The following LEPR variants were observed in gnomAD, a reference collection of about 807,000 sequenced individuals.
The protein encoded by LEPR is leptin receptor.
A neutral mutation model predicts 114.7 loss-of-function variants in LEPR; 56 were observed. That is an observed-to-expected ratio of 0.49 (90% confidence interval 0.39 to 0.61). LEPR has a LOEUF of 0.61. Among genes scored for constraint, LEPR ranks in the 20% least tolerant of loss-of-function variants. LEPR has a pLI of 0.00. For missense variants in LEPR, 1,202 were observed against 1,352.9 expected, an observed-to-expected ratio of 0.89 and a Z score of 1.75; for synonymous variants, 443 against 461.4, an observed-to-expected ratio of 0.96 and a Z score of 0.51.
Position 65,613,615 on chromosome 1 carries a change from C to T in LEPR, c.1996-2393C>T, listed in dbSNP as rs1005691304. Among the ~76,000 whole-genome samples the T allele has an allele frequency of 1.1e-4, 14 of 129,376 alleles. 2 individuals carry two copies. In the South Asian group the frequency reaches 1.9e-3, roughly 18 times the overall value. The allele number at this position is 129,376 out of a possible 152,430, so 84.9% of individuals were successfully genotyped here. Reference sequence around the variant, plus strand: ...AAAAATACAAAAAATTAGCCGGGCGCGGTGGCGGGCGCCTGTAGTCCCAGC... The same window carrying T: ...AAAAATACAAAAAATTAGCCGGGCGTGGTGGCGGGCGCCTGTAGTCCCAGC... On this transcript the variant is annotated intron_variant, in intron 14 of 19. Transcript: ENST00000349533.
At chr1:65,626,232 A>G (rs943746120) in intron 19 of LEPR, 37 of 1,518,058 alleles carry the variant, frequency 2.4e-5, no homozygotes, top group Non-Finnish European at 2.9e-5. Flanking sequence ...GGTGTGCACA[A>G]TGCTGCCACA....
At chr1:65,479,583 TAC>T (rs1198945405) in intron 2 of LEPR, among the ~76,000 whole-genome samples, 1 of 152,202 alleles carries the variant, frequency 6.6e-6, no homozygotes, top group Non-Finnish European at 1.5e-5. Context: ...AGCAGTAGTT[TAC>T]ACTTCTTCAC....
chr1:65,550,411 C>T (rs1176709855), intron 2 of LEPR, among the ~76,000 whole-genome samples: 2 of 152,326 alleles, frequency 1.3e-5, no homozygotes, highest in African/African-American at 4.8e-5. Flanking sequence ...TGTGCCCTGC[C>T]CCCAGAGGTG....
At chr1:65,443,212 G>T (rs1646671525) in intron 2 of LEPR, among the ~76,000 whole-genome samples, 1 of 151,990 alleles carries the variant, frequency 6.6e-6, no homozygotes, top group Non-Finnish European at 1.5e-5. Flanking sequence ...CTAGATAAAA[G>T]ATCAGTATCA....
chr1:65,538,416 T>C (rs1472884809), intron 2 of LEPR, among the ~76,000 whole-genome samples: 1 of 152,130 alleles, frequency 6.6e-6, no homozygotes, highest in Non-Finnish European at 1.5e-5. Context: ...AGCAAACTTG[T>C]TTGTAACCAC....
At chr1:65,441,472 A>G (rs1232376799) in intron 2 of LEPR, among the ~76,000 whole-genome samples, 3 of 152,198 alleles carry the variant, frequency 2.0e-5, no homozygotes, top group Non-Finnish European at 4.4e-5. Context: ...TTTGGACTGT[A>G]TTCCTTTAAT....
intron 2 of LEPR, chr1:65,433,110 G>A: frequency 2.0e-6 from 2 of 985,392 alleles, no homozygotes; most frequent in South Asian, 4.7e-5. Flanking sequence ...GAACAGATAG[G>A]TAACTCTTTT....
chr1:65,440,498 G>A (rs1346596770), intron 2 of LEPR, among the ~76,000 whole-genome samples: 1 of 152,094 alleles, frequency 6.6e-6, no homozygotes, highest in Non-Finnish European at 1.5e-5. Context: ...GGCGTGAACG[G>A]GTGACGGTGG....
chr1:65,607,951 G>T (rs763811455), intron 11 of LEPR, among the ~76,000 whole-genome samples: 1 of 152,018 alleles, frequency 6.6e-6, no homozygotes, highest in Non-Finnish European at 1.5e-5. Flanking sequence ...GTACATATAC[G>T]TATCTATTTT....
intron 2 of LEPR, among the ~76,000 whole-genome samples, chr1:65,496,438 G>A (rs891583867): frequency 6.6e-6 from 1 of 152,026 alleles, no homozygotes; most frequent in Non-Finnish European, 1.5e-5. Flanking sequence ...ATAGCCAGGT[G>A]TGGTTGCACG....
chr1:65,635,685 GT>G (rs1187768873), intron 19 of LEPR, among the ~76,000 whole-genome samples: 1 of 151,984 alleles, frequency 6.6e-6, no homozygotes, highest in African/African-American at 2.4e-5. Context: ...TATTTTAACT[GT>G]TTTTAGACAA....
intron 2 of LEPR, among the ~76,000 whole-genome samples, chr1:65,539,399 C>T (rs531425281): frequency 6.6e-6 from 1 of 152,144 alleles, no homozygotes; most frequent in South Asian, 2.1e-4. Flanking sequence ...AATGAAGAAA[C>T]AGGAAGAATG....
intron 2 of LEPR, chr1:65,432,516 TC>T (rs1304063482): frequency 1.4e-6 from 1 of 711,286 alleles, no homozygotes; most frequent in Middle Eastern, 7.0e-4. Context: ...TCCTTATCTT[TC>T]CAGTGGCTAA....
At chr1:65,484,194 A>G (rs1388879548) in intron 2 of LEPR, among the ~76,000 whole-genome samples, 1 of 152,048 alleles carries the variant, frequency 6.6e-6, no homozygotes, top group African/African-American at 2.4e-5. Context: ...TCCGTCCACT[A>G]GGCTACTATT....
At chr1:65,627,277 A>ATTG (rs1195492995) in intron 19 of LEPR, among the ~76,000 whole-genome samples, 1 of 152,224 alleles carries the variant, frequency 6.6e-6, no homozygotes. Context: ...AATGGTAAAT[A>ATTG]TTGTTACGTA....
chr1:65,488,216 C>T (rs9661220), intron 2 of LEPR, among the ~76,000 whole-genome samples: 5,029 of 38,308 alleles, frequency 0.13, 299 homozygotes, highest in Non-Finnish European at 0.17. Flanking sequence ...TTCTTTCTCT[C>T]TCTCTCTCTC....
chr1:65,600,033 ATTTGATT>A (rs1466754471), intron 8 of LEPR, among the ~76,000 whole-genome samples: 1 of 152,128 alleles, frequency 6.6e-6, no homozygotes, highest in Non-Finnish European at 1.5e-5. Context: ...TACTATATGT[ATTTGATT>A]TCAAAGTGAA....
At chr1:65,425,167 A>C in intron 1 of LEPR, 136 bp from the exon 2 acceptor site, 1 of 688,310 alleles carries the variant, frequency 1.5e-6, no homozygotes, top group Non-Finnish European at 2.6e-6. Flanking sequence ...CATCACTACT[A>C]TCTAATTCCA....
chr1:65,637,357 C>T lies in LEPR; in HGVS notation c.*342C>T. 1 of 191,706 alleles carries T rather than the reference C, an allele frequency of 5.2e-6. No homozygotes were observed. The highest frequency in any genetic ancestry group is 9.9e-6 in the Non-Finnish European group (1 of 101,400). The allele number at this position is 191,706 out of a possible 1,614,324, so 11.9% of individuals were successfully genotyped here. On this transcript the variant is annotated 3_prime_UTR_variant, in exon 20 of 20. Coordinates refer to ENST00000349533, the MANE Select transcript of LEPR (RefSeq NM_002303.6). ...TTTTACCTCAAGTTTTTGTTTTGTA[C>T]CAACACACACACACACACACATTCT...
Sources: allele counts gnomAD v4.1 joint callset (sites outside exome capture counted in the v4.1 genomes callset), GRCh38; gene constraint gnomAD v4.1.1; transcripts MANE v1.5; gene names NCBI Gene and HGNC (gene_info 2026-07-23, HGNC 2026-07-21).